Variants in ZNF626 observed in about 807,000 individuals in gnomAD.
The protein encoded by ZNF626 is zinc finger protein 626, also known as CTC-513N18.7.
In ZNF626, 4 loss-of-function variants were observed where a neutral mutation model predicts 11.7. The observed-to-expected ratio is 0.34, with a 90% CI of 0.17 to 0.78. ZNF626 has a LOEUF of 0.78. Ranked by LOEUF, ZNF626 falls within the 30% of genes least tolerant of loss-of-function variation. ZNF626 has a pLI of 0.57. For missense variants in ZNF626, 588 were observed against 587.1 expected (o/e 1.00, Z -0.01); for synonymous variants, 179 against 198.6 (o/e 0.90, Z 0.83).
intron 1 of ZNF626, among the ~76,000 whole-genome samples, chr19:20,656,971 T>C (rs1970212025): frequency 6.6e-6 from 1 of 152,202 alleles, no homozygotes; most frequent in East Asian, 1.9e-4. Context: ...ATATAAATTA[T>C]TATATTATAA....
chr19:20,627,961 G>T (rs1011500942), intron 3 of ZNF626, among the ~76,000 whole-genome samples: 1 of 152,164 alleles, frequency 6.6e-6, no homozygotes, highest in African/African-American at 2.4e-5. Flanking sequence ...CCCGGTGTGT[G>T]ATGTTTCCCT....
intron 3 of ZNF626, among the ~76,000 whole-genome samples, chr19:20,634,552 T>C (rs980737662): frequency 3.3e-5 from 5 of 152,218 alleles, no homozygotes; most frequent in African/African-American, 9.6e-5. Context: ...GTATTAAGCA[T>C]GCACTTGTTG....
At chr19:20,628,763 C>T (rs1489639322) in intron 3 of ZNF626, among the ~76,000 whole-genome samples, 6 of 152,158 alleles carry the variant, frequency 3.9e-5, no homozygotes, top group African/African-American at 1.4e-4. Flanking sequence ...GTTTCTTTTG[C>T]TGTGCAGAAC....
At chr19:20,636,541 A>C (rs1178492298) in intron 3 of ZNF626, among the ~76,000 whole-genome samples, 2 of 152,076 alleles carry the variant, frequency 1.3e-5, no homozygotes, top group Non-Finnish European at 2.9e-5. Flanking sequence ...AAAGTAATAC[A>C]GAGGTTACTT....
chr19:20,652,642 A>G (rs889281196), intron 1 of ZNF626, among the ~76,000 whole-genome samples: 1 of 152,202 alleles, frequency 6.6e-6, no homozygotes, highest in Admixed American at 6.5e-5. Context: ...TGAATACAGA[A>G]TTCAAAGGGA....
At chr19:20,641,426 C>A (rs910183508) in intron 3 of ZNF626, among the ~76,000 whole-genome samples, 3 of 151,952 alleles carry the variant, frequency 2.0e-5, no homozygotes, top group Non-Finnish European at 4.4e-5. Flanking sequence ...CTTAAGTAGT[C>A]AAAATCATAA....
At chr19:20,645,335 A>T in intron 3 of ZNF626, 2 of 1,561,650 alleles carry the variant, frequency 1.3e-6, no homozygotes, top group Non-Finnish European at 1.7e-6. Flanking sequence ...AGTTTCTCAA[A>T]ATCATGCAGA....
At chr19:20,628,349 C>T (rs534240225) in intron 3 of ZNF626, among the ~76,000 whole-genome samples, 8 of 152,138 alleles carry the variant, frequency 5.3e-5, no homozygotes, top group African/African-American at 1.7e-4. Flanking sequence ...CCTGAGGAAT[C>T]ACCACACTGA....
At chr19:20,641,381 T>C (rs1197801040) in intron 3 of ZNF626, among the ~76,000 whole-genome samples, 1 of 152,128 alleles carries the variant, frequency 6.6e-6, no homozygotes, top group Non-Finnish European at 1.5e-5. Context: ...GTAACAAAAT[T>C]ATGGATACTG....
intron 3 of ZNF626, among the ~76,000 whole-genome samples, chr19:20,637,484 CAA>C (rs35325493): frequency 6.6e-5 from 8 of 121,798 alleles, no homozygotes; most frequent in Admixed American, 8.4e-5. Flanking sequence ...CACTCTGTCT[CAA>C]AAAAAAAAAA....
At chr19:20,650,899 A>T (rs1383390394) in intron 1 of ZNF626, among the ~76,000 whole-genome samples, 1 of 152,194 alleles carries the variant, frequency 6.6e-6, no homozygotes, top group Non-Finnish European at 1.5e-5. Context: ...TGAAAGAAAT[A>T]GAAATACGGC....
chr19:20,627,603 A>AAT (rs1226551034), intron 3 of ZNF626, among the ~76,000 whole-genome samples: 3 of 152,054 alleles, frequency 2.0e-5, no homozygotes, highest in Admixed American at 6.6e-5. Context: ...AAACCATTTA[A>AAT]ATATATATAT....
At chr19:20,634,557 T>C (rs1969946125) in intron 3 of ZNF626, among the ~76,000 whole-genome samples, 1 of 151,416 alleles carries the variant, frequency 6.6e-6, no homozygotes, top group African/African-American at 2.4e-5. Context: ...AAGCATGCAC[T>C]TGTTGAAATA....
At chr19:20,649,374 C>T (rs575017682) in intron 1 of ZNF626, among the ~76,000 whole-genome samples, 1 of 152,158 alleles carries the variant, frequency 6.6e-6, no homozygotes, top group Non-Finnish European at 1.5e-5. Context: ...AGATGCTCTC[C>T]CCTGCCACGG....
rs528709132 is a variant in ZNF626, at chr19:20,658,780, G to A, written c.3+2664C>T. ...TAGAGACAGCACAGACCCTGATCCA[G>A]GGCTGGGTCCCACAACATTGTCCTC... is the stretch of plus-strand genomic sequence containing the variant. On this transcript the variant is annotated intron_variant, in intron 1 of 3. Coordinates refer to ENST00000601440, the MANE Select transcript of ZNF626 (RefSeq NM_001076675.3). 2.0e-5 allele frequency among the ~76,000 whole-genome samples: 3 copies of A among 151,822 alleles called. No individual in the cohort carries two copies. The South Asian group carries it at 6.3e-4, about 32-fold the overall frequency.
rs1969755897 is a variant in ZNF626 at position 20,621,346 on chromosome 19, C to T, written c.*2944G>A. ...CAATGTTGGTCAGGCTGGTCTTGAA[C>T]TCCTGACCTCATGATCTGCCCGACG... On this transcript the variant is annotated 3_prime_UTR_variant, in exon 4 of 4. Coordinates refer to ENST00000601440, the MANE Select transcript of ZNF626 (RefSeq NM_001076675.3). 1 of 152,180 alleles carries T rather than the reference C, an allele frequency of 6.6e-6. No homozygotes were observed. The highest frequency in any genetic ancestry group is 1.5e-5 in the Non-Finnish European group (1 of 68,050). The allele number at this position is 152,180 out of a possible 1,614,324, so 9.4% of individuals were successfully genotyped here.
In ZNF626 at chr19:20,620,444, A is replaced by G. The variant is rs1483495979; in HGVS notation, c.*3846T>C. On this transcript the variant is annotated 3_prime_UTR_variant, in exon 4 of 4. Transcript: ENST00000601440. ...GGTTTATCTTCAGAGGAATATGTGT[A>G]TATTTCACTCTATGAAAATTAAAAG... is the stretch of plus-strand genomic sequence containing the variant. 6.6e-6 allele frequency: 1 copy of G among 152,232 alleles called. No individual in the cohort carries two copies. The highest frequency in any genetic ancestry group is 1.5e-5 in the Non-Finnish European group (1 of 68,034). The allele number at this position is 152,232 out of a possible 1,614,324, so 9.4% of individuals were successfully genotyped here.
chr19:20,637,696 GAAAAT>G (rs1270531158), intron 3 of ZNF626, among the ~76,000 whole-genome samples: 1 of 150,702 alleles, frequency 6.6e-6, no homozygotes, highest in Non-Finnish European at 1.5e-5. Context: ...GTGTGCAAAA[GAAAAT>G]AAAAAATAAT....
chr19:20,657,434 A>C (rs1458318542), intron 1 of ZNF626, among the ~76,000 whole-genome samples: 1 of 152,094 alleles, frequency 6.6e-6, no homozygotes, highest in Non-Finnish European at 1.5e-5. Context: ...ACATCATGGA[A>C]TACTCTGTGG....
Sources: gnomAD v4.1 joint callset for allele counts (sites outside exome capture counted in the v4.1 genomes callset) on GRCh38, gnomAD v4.1.1 for gene constraint, MANE v1.5 for transcripts, NCBI Gene and HGNC (gene_info 2026-07-23, HGNC 2026-07-21) for gene names.